Variants in FHAD1 observed in about 807,000 individuals in gnomAD.
FHAD1 encodes the protein forkhead-associated domain-containing protein 1.
FHAD1 carries 146 observed loss-of-function variants against 191.3 expected under a neutral mutation model. The ratio of observed to expected loss-of-function variants is 0.76; its 90% CI spans 0.67 to 0.88. FHAD1 has a LOEUF of 0.88. FHAD1 is among the 40% of genes least tolerant of loss of function. The probability of loss-of-function intolerance (pLI) is 0.00; values close to 1 mark genes in which losing one functional copy is unlikely to be tolerated. For missense variants in FHAD1, 1,635 were observed against 1,785.8 expected, an observed-to-expected ratio of 0.92 and a Z score of 1.52; for synonymous variants, 616 against 672.3, an observed-to-expected ratio of 0.92 and a Z score of 1.29.
At chr1:15,383,799 T>C in intron 31 of FHAD1, 1 of 399,510 alleles carries the variant, frequency 2.5e-6, no homozygotes, top group South Asian at 1.8e-5. Context: ...ATGATCCCTA[T>C]TTTACAGATG....
intron 3 of FHAD1, among the ~76,000 whole-genome samples, chr1:15,282,702 A>G (rs1661040092): frequency 1.3e-5 from 2 of 152,248 alleles, no homozygotes; most frequent in Admixed American, 1.3e-4. Context: ...TGCTACTCAT[A>G]ATGTGATGGC....
chr1:15,290,776 T>C (rs1664343864), intron 4 of FHAD1, among the ~76,000 whole-genome samples: 1 of 151,716 alleles, frequency 6.6e-6, no homozygotes, highest in African/African-American at 2.4e-5. Flanking sequence ...TGGTGCCATC[T>C]CAGCGCACTG....
chr1:15,237,311 C>T (rs1644886599), intron 1 of FHAD1, among the ~76,000 whole-genome samples: 1 of 152,178 alleles, frequency 6.6e-6, no homozygotes, highest in Admixed American at 6.5e-5. Flanking sequence ...CAGCACCTGG[C>T]CCTGCCTCCC....
Position 15,247,341 on chromosome 1 carries a change from C to G in FHAD1, c.-69C>G, listed in dbSNP as rs1325905419. The G allele has an allele frequency of 8.5e-6, 2 of 235,092 alleles. No individual in the cohort carries two copies. Among genetic ancestry groups the G allele is most frequent in the Non-Finnish European group, 1.9e-5 (2 of 106,724 alleles). 14.6% of individuals were successfully genotyped at this position (235,092 alleles called of 1,614,324 possible). A position where few individuals can be genotyped will look rare whatever the true frequency, so the allele number is the denominator to read the frequency against. On this transcript the variant is annotated 5_prime_UTR_variant, in exon 1 of 34. Transcript: ENST00000688493. Reference sequence around the variant, plus strand: ...GCCCCGGAGCTGGCCCGACGCCTCCCGAGCTGGCAGGGCTCTCGGCGGAGG... The same window carrying G: ...GCCCCGGAGCTGGCCCGACGCCTCCGGAGCTGGCAGGGCTCTCGGCGGAGG...
rs1456374270 is a variant in FHAD1, at chr1:15,239,186, C to T, written c.-15+2425C>T. ...CCTCCCAAAGTGCTGGGATTACAGG[C>T]ATGAGCTACCATGCTCAGCCCCTAA... On this transcript the variant is annotated intron_variant, in intron 1 of 33. Coordinates refer to the FHAD1 transcript ENST00000683790. 2.0e-5 allele frequency among the ~76,000 whole-genome samples: 3 copies of T among 152,302 alleles called. No individual in the cohort carries two copies. The East Asian group carries it at 5.8e-4, about 29-fold the overall frequency.
At chr1:15,333,386 G>A (rs1015913014) in intron 14 of FHAD1, among the ~76,000 whole-genome samples, 2 of 152,138 alleles carry the variant, frequency 1.3e-5, no homozygotes, top group Non-Finnish European at 2.9e-5. Flanking sequence ...TGATGGTGAT[G>A]ATGGTGATTA....
chr1:15,272,496 GA>G lies in FHAD1; in HGVS notation c.268del (p.Thr90ProfsTer17). 6.5e-7 allele frequency: 1 copy of G among 1,550,312 alleles called. No homozygotes were observed. On this transcript the variant is annotated frameshift_variant, in exon 3 of 34. Transcript: ENST00000688493. LOFTEE classifies it high-confidence loss of function. Reference protein sequence around the residue: ...DILRFGSAGLTYELVIENPPP... With the variant: ...DILRFGSAGLXYELVIENPPP... ...TCCTGAGATTTGGGTCTGCAGGGCT[GA>G]CCTATGAACTGGTCATTGAAAATCC...
At chr1:15,388,738 C>T (rs1426086337) in intron 32 of FHAD1, among the ~76,000 whole-genome samples, 1 of 152,130 alleles carries the variant, frequency 6.6e-6, no homozygotes, top group Non-Finnish European at 1.5e-5. Context: ...TCACAGTTCA[C>T]AGTGTCCATG....
upstream of FHAD1, among the ~76,000 whole-genome samples, chr1:15,244,793 T>G (rs190997702): frequency 3.1e-3 from 476 of 152,104 alleles, 2 homozygotes; most frequent in Middle Eastern, 0.01. The surrounding 1 kb of genome is among the most constrained non-coding windows in gnomAD (Gnocchi z 5.1). Context: ...CATAAATAAA[T>G]AAAGAAATAG....
chr1:15,378,800 C>T (rs1700233317), intron 28 of FHAD1, among the ~76,000 whole-genome samples: 1 of 151,848 alleles, frequency 6.6e-6, no homozygotes, highest in African/African-American at 2.4e-5. Context: ...AGTATAGAGC[C>T]GGTAAATGCT....
At chr1:15,358,990 C>T (rs550696381) in intron 21 of FHAD1, among the ~76,000 whole-genome samples, 7 of 152,100 alleles carry the variant, frequency 4.6e-5, no homozygotes, top group Admixed American at 2.0e-4. Flanking sequence ...GAGAGAGTTA[C>T]GATGGCAGGA....
intron 2 of FHAD1, among the ~76,000 whole-genome samples, chr1:15,261,878 G>A (rs1030146442): frequency 3.3e-5 from 5 of 152,276 alleles, no homozygotes; most frequent in Middle Eastern, 3.4e-3. Flanking sequence ...GGTGCCTGTC[G>A]TCCCAGGCAC....
At chr1:15,303,970 G>A (rs1443189093) in intron 6 of FHAD1, among the ~76,000 whole-genome samples, 2 of 152,304 alleles carry the variant, frequency 1.3e-5, no homozygotes, top group East Asian at 3.9e-4. Flanking sequence ...CTGAGCTAAA[G>A]GATGCAGTTG....
chr1:15,367,683 A>G (rs1696910269), intron 25 of FHAD1, 61 bp downstream of exon 25: 1 of 1,396,974 alleles, frequency 7.2e-7, no homozygotes, highest in Non-Finnish European at 9.7e-7. Context: ...GCCGCTGAGT[A>G]TTGCAGAGAG....
intron 11 of FHAD1, chr1:15,324,819 C>T (rs1050260513): frequency 4.1e-6 from 2 of 491,470 alleles, no homozygotes; most frequent in South Asian, 2.7e-5. Flanking sequence ...AATCCCGGCT[C>T]GATGCCTGCC....
chr1:15,340,242 C>T (rs1355617308), intron 15 of FHAD1, among the ~76,000 whole-genome samples: 1 of 152,240 alleles, frequency 6.6e-6, no homozygotes, highest in Non-Finnish European at 1.5e-5. Context: ...GGCAAATGAG[C>T]TTTACGGGTT....
intron 4 of FHAD1, among the ~76,000 whole-genome samples, chr1:15,296,412 C>T (rs1256397876): frequency 1.3e-5 from 2 of 152,080 alleles, no homozygotes; most frequent in Non-Finnish European, 2.9e-5. Flanking sequence ...CGCCACCACA[C>T]CTGGCTAATT....
At chr1:15,367,433 C>A (rs1287978701) in intron 24 of FHAD1, 30 bp from the exon 25 acceptor site, 1 of 1,544,988 alleles carries the variant, frequency 6.5e-7, no homozygotes. Context: ...GAGGCAGAGA[C>A]CCCCTTACCG....
At chr1:15,396,822 T>A (rs907817442) in intron 33 of FHAD1, among the ~76,000 whole-genome samples, 4 of 151,116 alleles carry the variant, frequency 2.6e-5, no homozygotes, top group African/African-American at 9.7e-5. Flanking sequence ...AAAATAATAA[T>A]AATAAGTAAA....
Sources: allele counts gnomAD v4.1 joint callset (sites outside exome capture counted in the v4.1 genomes callset), GRCh38; gene constraint gnomAD v4.1.1; non-coding constraint Gnocchi (gnomAD v3.1); transcripts MANE v1.5; gene names NCBI Gene and HGNC (gene_info 2026-07-23, HGNC 2026-07-21).